RHBDL2: variants seen among roughly 807,000 people sequenced by gnomAD.
The protein encoded by RHBDL2 is rhomboid like 2.
RHBDL2 carries 26 observed loss-of-function variants against 31.7 expected under a neutral mutation model. The observed-to-expected ratio is 0.82, with a 90% CI of 0.60 to 1.14. The LOEUF is 1.14. Ranked by LOEUF, RHBDL2 falls within the 50% of genes most tolerant of loss-of-function variation. The pLI is 0.00. For synonymous variants in RHBDL2, 123 were observed against 127.2 expected, an observed-to-expected ratio of 0.97 and a Z score of 0.22; for missense variants, 336 against 364.4, an observed-to-expected ratio of 0.92 and a Z score of 0.63.
intron 3 of RHBDL2, among the ~76,000 whole-genome samples, chr1:38,911,698 G>T (rs1451998724): frequency 1.3e-5 from 2 of 151,726 alleles, no homozygotes; most frequent in Admixed American, 1.3e-4. Flanking sequence ...GGGGTGCAGT[G>T]GTGCAATCTC....
intron 4 of RHBDL2, among the ~76,000 whole-genome samples, chr1:38,899,714 C>T (rs926438138): frequency 6.6e-6 from 1 of 152,188 alleles, no homozygotes; most frequent in Non-Finnish European, 1.5e-5. Context: ...GGAGTGATTG[C>T]CTTTGAAAAG....
chr1:38,916,039 C>T (rs1433637994), intron 2 of RHBDL2, among the ~76,000 whole-genome samples: 4 of 152,162 alleles, frequency 2.6e-5, no homozygotes, highest in South Asian at 4.1e-4. Flanking sequence ...CCCTCATCGT[C>T]GCACCAACTG....
At chr1:38,891,260 CAAAAAAA>C (rs11445131) in intron 6 of RHBDL2, among the ~76,000 whole-genome samples, 2 of 79,290 alleles carry the variant, frequency 2.5e-5, no homozygotes, top group African/African-American at 5.5e-5. Flanking sequence ...GACTCCGTCT[CAAAAAAA>C]AAAAAAAAAA....
intron 1 of RHBDL2, among the ~76,000 whole-genome samples, chr1:38,927,371 G>A (rs1643390313): frequency 6.6e-6 from 1 of 152,124 alleles, no homozygotes; most frequent in African/African-American, 2.4e-5. Context: ...AGGTTGCGGT[G>A]AGCCGAGATC....
chr1:38,926,188 G>C (rs1161809398), intron 1 of RHBDL2: 1 of 1,094,912 alleles, frequency 9.1e-7, no homozygotes, highest in Non-Finnish European at 1.1e-6. Context: ...TCTGAGGCTG[G>C]AGGTGAGGAT....
chr1:38,921,941 T>A (rs986716834), intron 1 of RHBDL2, among the ~76,000 whole-genome samples: 1 of 152,196 alleles, frequency 6.6e-6, no homozygotes, highest in Non-Finnish European at 1.5e-5. Context: ...CTAAATATCA[T>A]ACATAATCAT....
chr1:38,918,050 C>T (rs926008566), intron 2 of RHBDL2, among the ~76,000 whole-genome samples: 7 of 152,178 alleles, frequency 4.6e-5, no homozygotes, highest in African/African-American at 1.7e-4. Context: ...ACTTGAATGG[C>T]AAGTCTTCCC....
At position 38,916,395 on chromosome 1, in the gene RHBDL2, T is replaced by C. The variant is rs12065763; in HGVS notation, c.247-685A>G. Among the ~76,000 whole-genome samples the C allele has an allele frequency of 2.2e-3, 330 of 152,280 alleles. 3 individuals carry two copies. Among genetic ancestry groups the C allele is most frequent in the African/African-American group, 7.2e-3 (301 of 41,560 alleles). On this transcript the variant is annotated intron_variant, in intron 2 of 7. Coordinates refer to ENST00000372990, the MANE Select transcript of RHBDL2 (RefSeq NM_017821.5). Reference sequence around the variant, plus strand: ...GTCATGAAAAACAAAGACTGAGAAGTTGCCATAGATCAGAGGAGCCTGGGT... The same window carrying C: ...GTCATGAAAAACAAAGACTGAGAAGCTGCCATAGATCAGAGGAGCCTGGGT...
At chr1:38,912,305 C>T (rs188967505) in intron 3 of RHBDL2, among the ~76,000 whole-genome samples, 83 of 152,000 alleles carry the variant, frequency 5.5e-4, no homozygotes, top group African/African-American at 1.8e-3. Context: ...GGGGTTTCAC[C>T]ATGTTGGTCA....
intron 2 of RHBDL2, among the ~76,000 whole-genome samples, chr1:38,918,075 G>A (rs2124336632): frequency 6.6e-6 from 1 of 152,228 alleles, no homozygotes; most frequent in East Asian, 1.9e-4. Flanking sequence ...CCTCCAGCCT[G>A]CCAGCCTTCC....
intron 4 of RHBDL2, among the ~76,000 whole-genome samples, chr1:38,898,731 T>G (rs1353205508): frequency 6.6e-6 from 1 of 152,052 alleles, no homozygotes; most frequent in Non-Finnish European, 1.5e-5. Context: ...CTGCTAGAGT[T>G]TACAAGACAG....
chr1:38,909,435 A>C (rs1329004446), intron 4 of RHBDL2, among the ~76,000 whole-genome samples: 1 of 152,138 alleles, frequency 6.6e-6, no homozygotes, highest in East Asian at 1.9e-4. Flanking sequence ...CATTCTAGAA[A>C]ACATTCTTTA....
chr1:38,901,184 C>T (rs1054266333), intron 4 of RHBDL2, among the ~76,000 whole-genome samples: 3 of 151,708 alleles, frequency 2.0e-5, no homozygotes, highest in Non-Finnish European at 4.4e-5. Context: ...GGCATATGGT[C>T]GGCTGCAGTG....
At chr1:38,903,980 T>G (rs9438986) in intron 4 of RHBDL2, among the ~76,000 whole-genome samples, 52,782 of 152,036 alleles carry the variant, frequency 0.35, 10,644 homozygotes, top group Non-Finnish European at 0.45. Context: ...ACTAAAGCAA[T>G]TCAATGGAGA....
chr1:38,901,072 T>C (rs1474290837), intron 4 of RHBDL2, among the ~76,000 whole-genome samples: 1 of 151,064 alleles, frequency 6.6e-6, no homozygotes, highest in Admixed American at 6.6e-5. Flanking sequence ...AATAAATAAA[T>C]AAATAAATAA....
At chr1:38,897,998 GCAGA>G (rs1642942121) in intron 4 of RHBDL2, among the ~76,000 whole-genome samples, 2 of 152,166 alleles carry the variant, frequency 1.3e-5, no homozygotes, top group South Asian at 4.1e-4. Context: ...GGGCATGGTG[GCAGA>G]CACCTGTAAT....
chr1:38,889,605 G>A (rs1351077541), intron 6 of RHBDL2, among the ~76,000 whole-genome samples: 1 of 152,158 alleles, frequency 6.6e-6, no homozygotes, highest in African/African-American at 2.4e-5. Flanking sequence ...CGGGAGTTCT[G>A]AAGGTGTCAG....
At chr1:38,903,623 C>T (rs1038741575) in intron 4 of RHBDL2, among the ~76,000 whole-genome samples, 4 of 152,122 alleles carry the variant, frequency 2.6e-5, no homozygotes, top group Non-Finnish European at 5.9e-5. Context: ...GGTTGGAAGA[C>T]TCAATATTGT....
intron 6 of RHBDL2, among the ~76,000 whole-genome samples, chr1:38,888,929 A>G (rs1642819322): frequency 6.6e-6 from 1 of 152,164 alleles, no homozygotes; most frequent in Non-Finnish European, 1.5e-5. Flanking sequence ...CAAGACCTCC[A>G]GGTGATTCTG....
Sources: allele counts gnomAD v4.1 joint callset (sites outside exome capture counted in the v4.1 genomes callset), GRCh38; gene constraint gnomAD v4.1.1; transcripts MANE v1.5; gene names NCBI Gene and HGNC (gene_info 2026-07-23, HGNC 2026-07-21).